The following ZC3H12A variants were observed in gnomAD, a reference collection of about 807,000 sequenced individuals.
The protein encoded by ZC3H12A is zinc finger CCCH-type containing 12A.
ZC3H12A carries 9 observed loss-of-function variants against 29.9 expected under a neutral mutation model. The observed-to-expected ratio is 0.30, with a 90% CI of 0.18 to 0.53. The LOEUF is 0.53. Among genes scored for constraint, ZC3H12A ranks in the 20% least tolerant of loss-of-function variants. The pLI is 0.96. For synonymous variants in ZC3H12A, 323 were observed against 338.1 expected (o/e 0.96, Z 0.49); for missense variants, 617 against 799.0 (o/e 0.77, Z 2.75).
At chr1:37,482,564 C>T in intron 5 of ZC3H12A, 24 bp downstream of exon 5, 2 of 1,612,964 alleles carry the variant, frequency 1.2e-6, no homozygotes, top group Non-Finnish European at 1.7e-6. Flanking sequence ...CCTGCCCTCC[C>T]CGGCCCTCCT....
Position 37,475,716 on chromosome 1 carries a change from G to A in ZC3H12A, c.220G>A (p.Val74Ile), listed in dbSNP as rs370121081. ...CCACAGCGTCCTGCAGAAGCTGGGC[G>A]TCCAGGCAGACACCAACACGGTGCT... is the stretch of plus-strand genomic sequence containing the variant. ...EIHSVLQKLG[V>I]QADTNTVLGE... is the part of the protein sequence containing the mutation. Residue 74 changes from valine to isoleucine, a missense_variant, in exon 2 of 6, where the codon GTC (valine) becomes ATC (isoleucine). Val to Ile is a conservative substitution (Grantham distance 29). This residue lies in a region of ZC3H12A where 255 missense variants were observed against 402.5 expected (regional missense o/e 0.63). Transcript: ENST00000373087. This position sits in a 1 kb window ranked among gnomAD's most constrained non-coding sequence, Gnocchi z 5.2. 113 of 1,614,064 alleles carry A rather than the reference G, an allele frequency of 7.0e-5. No homozygotes were observed. The highest frequency in any genetic ancestry group is 3.1e-4 in the African/African-American group (23 of 75,066).
rs1390761922 is a variant in ZC3H12A at position 37,479,842 on chromosome 1, G to A, written c.444-448G>A. 1.0e-6 allele frequency: 1 copy of A among 985,456 alleles called. No individual in the cohort carries two copies. Among genetic ancestry groups the A allele is most frequent in the Non-Finnish European group, 1.2e-6 (1 of 829,924 alleles). The allele number at this position is 985,456 out of a possible 1,614,324, so 61.0% of individuals were successfully genotyped here. On this transcript the variant is annotated intron_variant, in intron 2 of 5. Coordinates refer to ENST00000373087, the MANE Select transcript of ZC3H12A (RefSeq NM_025079.3). The surrounding 1 kb of genome is among the most constrained non-coding windows in gnomAD (Gnocchi z 4.5). ...GGAGGGGTGGTGACTCAGTGTGCAT[G>A]TGTACATCTGTCCCTGTGGTCCCGG...
chr1:37,475,814 C>G lies in ZC3H12A; in HGVS notation c.318C>G (p.Leu106=). 6.2e-7 allele frequency: 1 copy of G among 1,607,962 alleles called. No individual in the cohort carries two copies. Among genetic ancestry groups the G allele is most frequent in the East Asian group, 2.2e-5 (1 of 44,738 alleles). ...RQTSPDPCPQ[L]PLVPRGGGTP... ...CCTCACCGGACCCCTGCCCTCAGCT[C>G]CCTCTAGTCCCGCGGGGTGGTGGCA... Residue 106 remains leucine (L), a synonymous_variant, in exon 2 of 6, where the codon CTC becomes CTG. Coordinates refer to ENST00000373087, the MANE Select transcript of ZC3H12A (RefSeq NM_025079.3). The surrounding 1 kb of genome is among the most constrained non-coding windows in gnomAD (Gnocchi z 5.2).
At position 37,482,518 on chromosome 1, in the gene ZC3H12A, C is replaced by T. The variant is rs1484348693; in HGVS notation, c.903C>T (p.His301=). 1 of 1,614,116 alleles carries T rather than the reference C, an allele frequency of 6.2e-7. No individual in the cohort carries two copies. The highest frequency in any genetic ancestry group is 8.5e-7 in the Non-Finnish European group (1 of 1,179,996). The change falls in exon 5 of 6, where the codon CAC becomes CAT. Residue 301 remains histidine (H), a synonymous_variant. Coordinates refer to ENST00000373087, the MANE Select transcript of ZC3H12A (RefSeq NM_025079.3). The part of the protein sequence containing the change: ...FLRKKPLTLE[H]RKQPCPYGRK... Reference sequence around the variant, plus strand: ...GTAAGAAGCCACTCACTTTGGAGCACAGGAAGCAGCCGTGTCCCTATGGTA... The same window carrying T: ...GTAAGAAGCCACTCACTTTGGAGCATAGGAAGCAGCCGTGTCCCTATGGTA...
rs1641581154 is a variant in ZC3H12A, at chr1:37,475,969, T to A, written c.443+30T>A. On this transcript the variant is annotated intron_variant, in intron 2 of 5. Coordinates refer to ENST00000373087, the MANE Select transcript of ZC3H12A (RefSeq NM_025079.3). The surrounding 1 kb of genome is among the most constrained non-coding windows in gnomAD (Gnocchi z 5.2). ...GTGTCACTTCTGTGGCCAGGACACATGAGGTTCGCATCTCTCCTGTGGCCA... is the reference window on the plus strand; with the variant it reads ...GTGTCACTTCTGTGGCCAGGACACAAGAGGTTCGCATCTCTCCTGTGGCCA... 12 of 1,483,302 alleles carry A rather than the reference T, an allele frequency of 8.1e-6. No individual in the cohort carries two copies. In the East Asian group the frequency reaches 2.8e-4, roughly 34 times the overall value. 91.9% of individuals were successfully genotyped at this position (1,483,302 alleles called of 1,614,324 possible).
chr1:37,481,050 C>G (rs1252472465), intron 3 of ZC3H12A, among the ~76,000 whole-genome samples: 1 of 152,200 alleles, frequency 6.6e-6, no homozygotes, highest in African/African-American at 2.4e-5. Flanking sequence ...CTGGGGGCAG[C>G]CTGTCTGGGA....
rs1220631093 is a variant in ZC3H12A, at chr1:37,481,757, G to A, written c.740G>A (p.Arg247His). ...ATCGTGGTTTCCAACGACACATACC[G>A]TGACCTCCAAGGCGAGCGGCAGGAG... ...DGIVVSNDTY[R>H]DLQGERQEWK... The change falls in exon 4 of 6, where the codon CGT (arginine) becomes CAT (histidine). Residue 247 changes from arginine (R) to histidine (H), a missense_variant. Physicochemically the swap from Arg to His is conservative, Grantham distance 29 (BLOSUM62 0). Coordinates refer to ENST00000373087, the MANE Select transcript of ZC3H12A (RefSeq NM_025079.3). The A allele has an allele frequency of 3.7e-6, 6 of 1,614,232 alleles. No individual in the cohort carries two copies. The highest frequency in any genetic ancestry group is 5.1e-6 in the Non-Finnish European group (6 of 1,180,042).
At position 37,475,252 on chromosome 1, in the gene ZC3H12A, C is replaced by T. The variant is rs1202483225; in HGVS notation, c.-38-207C>T. Among the ~76,000 whole-genome samples, 5 of 152,256 alleles carry T rather than the reference C, an allele frequency of 3.3e-5. No individual in the cohort carries two copies. Among genetic ancestry groups the T allele is most frequent in the Admixed American group, 2.6e-4 (4 of 15,288 alleles). On this transcript the variant is annotated intron_variant, in intron 1 of 5. Transcript: ENST00000373087. This position sits in a 1 kb window ranked among gnomAD's most constrained non-coding sequence, Gnocchi z 5.2. ...CAGCTAACAGCTGGATGACCTTGAG[C>T]ACGTTTTTAATGTCTGTGCCTCAGT...
Position 37,475,505 on chromosome 1 carries a change from C to G in ZC3H12A, c.9C>G (p.Gly3=), listed in dbSNP as rs1641564897. 6.2e-7 allele frequency: 1 copy of G among 1,606,070 alleles called. No individual in the cohort carries two copies. The highest frequency in any genetic ancestry group is 1.3e-5 in the African/African-American group (1 of 74,846). The change falls in exon 2 of 6, where the codon GGC becomes GGG. Residue 3 remains glycine (G), a synonymous_variant. Transcript: ENST00000373087. This position sits in a 1 kb window ranked among gnomAD's most constrained non-coding sequence, Gnocchi z 5.2. MS[G]PCGEKPVLEA... The stretch of plus-strand genomic sequence containing the variant: ...TTCCAGGAGTCTGAGCTATGAGTGG[C>G]CCCTGTGGAGAGAAGCCTGTCCTGG...
At position 37,480,404 on chromosome 1, in the gene ZC3H12A, G is replaced by C; in HGVS notation, c.558G>C (p.Gln186His). The change falls in exon 3 of 6, where the codon CAG becomes CAC. Residue 186 changes from glutamine (Q) to histidine (H), a missense_variant. Gln to His is a conservative substitution (Grantham distance 24, BLOSUM62 0). Around this residue, in one of 5 missense-constraint regions of ZC3H12A, gnomAD observed 255 missense variants for 402.5 expected, o/e 0.63. Coordinates refer to ENST00000373087, the MANE Select transcript of ZC3H12A (RefSeq NM_025079.3). ...TTGTGCCATCCTGGAGGAAGGAGCAGCCTCGGCCCGACGTGCCCATCACAG... is the reference window on the plus strand; with the variant it reads ...TTGTGCCATCCTGGAGGAAGGAGCACCCTCGGCCCGACGTGCCCATCACAG... ...TVFVPSWRKEQPRPDVPITDQ... is the reference protein window; with the variant it reads ...TVFVPSWRKEHPRPDVPITDQ... 1 of 1,613,722 alleles carries C rather than the reference G, an allele frequency of 6.2e-7. No homozygotes were observed. Among genetic ancestry groups the C allele is most frequent in the Non-Finnish European group, 8.5e-7 (1 of 1,179,728 alleles).
chr1:37,477,122 A>G (rs1407906286), intron 2 of ZC3H12A, among the ~76,000 whole-genome samples: 1 of 152,184 alleles, frequency 6.6e-6, no homozygotes, highest in Non-Finnish European at 1.5e-5. Context: ...GAGAAAATCC[A>G]GTTTCCATGC....
intron 2 of ZC3H12A, 122 bp from the exon 3 acceptor site, chr1:37,480,168 G>T: frequency 6.8e-7 from 1 of 1,476,392 alleles, no homozygotes. Context: ...GGAAGGGACT[G>T]CTCACTACCA....
In ZC3H12A at chr1:37,483,159, C is replaced by T; in HGVS notation, c.1348C>T (p.Leu450Phe). ...CTCCCTGGAGAGCCAGATGTCGGAA[C>T]TTTGGGGGGTTCGAGGAGGAGGCCC... ...IGSLESQMSELWGVRGGGPGE... is the reference protein window; with the variant it reads ...IGSLESQMSEFWGVRGGGPGE... Residue 450 changes from leucine to phenylalanine, a missense_variant, in exon 6 of 6, where the codon CTT becomes TTT. By Grantham distance (22) the Leu-to-Phe change is conservative. Coordinates refer to ENST00000373087, the MANE Select transcript of ZC3H12A (RefSeq NM_025079.3). 1 of 1,613,560 alleles carries T rather than the reference C, an allele frequency of 6.2e-7. No individual in the cohort carries two copies. The highest frequency in any genetic ancestry group is 8.5e-7 in the Non-Finnish European group (1 of 1,179,938).
Position 37,475,751 on chromosome 1 carries a change from G to A in ZC3H12A, c.255G>A (p.Leu85=), listed in dbSNP as rs745930767. ...ACACCAACACGGTGCTGGGTGAGCT[G>A]GTGAAACACGGGACAGCCACCGAGC... ...QADTNTVLGE[L]VKHGTATERE... is the part of the protein sequence containing the mutation. Residue 85 remains leucine (L), a synonymous_variant, in exon 2 of 6, where the codon CTG becomes CTA. Transcript: ENST00000373087. The surrounding 1 kb of genome is among the most constrained non-coding windows in gnomAD (Gnocchi z 5.2). 98 of 1,613,712 alleles carry A rather than the reference G, an allele frequency of 6.1e-5. 1 individual carries two copies. In the Admixed American group the frequency reaches 1.6e-3, roughly 27 times the overall value.
rs1265069299 is a variant in ZC3H12A at position 37,478,244 on chromosome 1, G to C, written c.444-2046G>C. 6.6e-6 allele frequency among the ~76,000 whole-genome samples: 1 copy of C among 152,208 alleles called. No homozygotes were observed. The highest frequency in any genetic ancestry group is 1.5e-5 in the Non-Finnish European group (1 of 68,032). ...TGACCTATTGTGGCAGGTCAGGGAA[G>C]GCTTCTCAGAGGCAGTGACATCTCA... On this transcript the variant is annotated intron_variant, in intron 2 of 5. Coordinates refer to ENST00000373087, the MANE Select transcript of ZC3H12A (RefSeq NM_025079.3). This position sits in a 1 kb window ranked among gnomAD's most constrained non-coding sequence, Gnocchi z 5.2.
intron 3 of ZC3H12A, among the ~76,000 whole-genome samples, chr1:37,480,823 A>G (rs949941866): frequency 5.6e-5 from 8 of 144,134 alleles, no homozygotes; most frequent in East Asian, 4.7e-4. Context: ...TCTGAGCCAC[A>G]TGCTCCTCAT....
intron 2 of ZC3H12A, among the ~76,000 whole-genome samples, chr1:37,477,483 AC>A (rs201434807): frequency 0.01 from 1,542 of 151,146 alleles, 11 homozygotes; most frequent in Non-Finnish European, 0.017. Context: ...CTGCCCGGCC[AC>A]CCCCCCTCCC....
rs1026458685 is a variant in ZC3H12A, at chr1:37,479,904, G to A, written c.444-386G>A. 4.1e-5 allele frequency: 41 copies of A among 1,012,182 alleles called. No individual in the cohort carries two copies. The highest frequency in any genetic ancestry group is 2.6e-4 in the African/African-American group (15 of 58,502). 62.7% of individuals were successfully genotyped at this position (1,012,182 alleles called of 1,614,324 possible). A position where few individuals can be genotyped will look rare whatever the true frequency, so the allele number is the denominator to read the frequency against. ...GTGGGGCAGGAACCAGAAGTCTCGC[G>A]GCACCTTTCCCCCACCCCCAGGTGT... On this transcript the variant is annotated intron_variant, in intron 2 of 5. Transcript: ENST00000373087. The surrounding 1 kb of genome is among the most constrained non-coding windows in gnomAD (Gnocchi z 4.5).
chr1:37,479,615 G>C lies in ZC3H12A; in HGVS notation c.444-675G>C. 5 of 985,434 alleles carry C rather than the reference G, an allele frequency of 5.1e-6. No individual in the cohort carries two copies. The highest frequency in any genetic ancestry group is 6.0e-6 in the Non-Finnish European group (5 of 829,934). The allele number at this position is 985,434 out of a possible 1,614,324, so 61.0% of individuals were successfully genotyped here. Reference sequence around the variant, plus strand: ...TATCCTTTCACTTTCAGACTGAAAGGCTCCTGGGGAACTTGCTTCACTCCG... The same window carrying C: ...TATCCTTTCACTTTCAGACTGAAAGCCTCCTGGGGAACTTGCTTCACTCCG... On this transcript the variant is annotated intron_variant, in intron 2 of 5. Transcript: ENST00000373087. This position sits in a 1 kb window ranked among gnomAD's most constrained non-coding sequence, Gnocchi z 4.5.
Sources: allele counts gnomAD v4.1 joint callset (sites outside exome capture counted in the v4.1 genomes callset), GRCh38; gene constraint gnomAD v4.1.1; regional missense constraint gnomAD v4.1.1; non-coding constraint Gnocchi (gnomAD v3.1); transcripts MANE v1.5; gene names NCBI Gene and HGNC (gene_info 2026-07-23, HGNC 2026-07-21).